Variants in F2RL1 observed in about 807,000 individuals in gnomAD.
F2RL1 encodes F2R like trypsin receptor 1, also known as proteinase-activated receptor 2.
In F2RL1, 16 loss-of-function variants were observed where a neutral mutation model predicts 21.7. That is an observed-to-expected ratio of 0.74 (90% CI 0.50 to 1.12). F2RL1 has a LOEUF of 1.12. Ranked by LOEUF, F2RL1 falls within the 50% of genes most tolerant of loss-of-function variation. The pLI is 0.00. For synonymous variants in F2RL1, 181 were observed against 186.7 expected (o/e 0.97, Z 0.25); for missense variants, 432 against 477.8 (o/e 0.90, Z 0.89).
At position 76,833,320 on chromosome 5, in the gene F2RL1, A is replaced by G. The variant is rs768449294; in HGVS notation, c.713A>G (p.Asp238Gly). ...DVLPEQLLVG[D>G]MFNYFLSLAI... ...TTGCCTGAGCAGCTCTTGGTGGGAGACATGTTCAATTACTTCCTCTCTCTG... is the reference window on the plus strand; with the variant it reads ...TTGCCTGAGCAGCTCTTGGTGGGAGGCATGTTCAATTACTTCCTCTCTCTG... The change falls in exon 2 of 2, where the codon GAC (aspartate) becomes GGC (glycine). Residue 238 changes from aspartate (D) to glycine (G), a missense_variant. Transcript: ENST00000296677. 6.2e-7 allele frequency: 1 copy of G among 1,612,626 alleles called. No individual in the cohort carries two copies. Among genetic ancestry groups the G allele is most frequent in the South Asian group, 1.1e-5 (1 of 90,930 alleles).
At chr5:76,824,283 G>T (rs1041937353) in intron 1 of F2RL1, among the ~76,000 whole-genome samples, 2 of 151,342 alleles carry the variant, frequency 1.3e-5, no homozygotes, top group African/African-American at 4.9e-5. Context: ...AAGTAGCTGG[G>T]GCTATGGCTA....
At chr5:76,827,385 G>C (rs942892633) in intron 1 of F2RL1, among the ~76,000 whole-genome samples, 92 of 149,080 alleles carry the variant, frequency 6.2e-4, no homozygotes, top group African/African-American at 2.2e-3. Context: ...TGTAGTCCCA[G>C]CTACTGGGGA....
At position 76,833,653 on chromosome 5, in the gene F2RL1, A is replaced by C. The variant is rs753801310; in HGVS notation, c.1046A>C (p.His349Pro). The C allele has an allele frequency of 1.2e-6, 2 of 1,613,986 alleles. No individual in the cohort carries two copies. Among genetic ancestry groups the C allele is most frequent in the East Asian group, 4.5e-5 (2 of 44,848 alleles). ...CCCTTTGTCTATTACTTTGTTTCAC[A>C]TGATTTCAGGGATCATGCAAAGAAC... ...IDPFVYYFVSHDFRDHAKNAL... is the reference protein window; with the variant it reads ...IDPFVYYFVSPDFRDHAKNAL... The change falls in exon 2 of 2, where the codon CAT (histidine) becomes CCT (proline). Residue 349 changes from histidine (H) to proline (P), a missense_variant. Physicochemically the swap from His to Pro is moderately conservative, Grantham distance 77. Transcript: ENST00000296677.
chr5:76,826,385 T>C (rs1479336360), intron 1 of F2RL1, among the ~76,000 whole-genome samples: 1 of 152,226 alleles, frequency 6.6e-6, no homozygotes, highest in Non-Finnish European at 1.5e-5. Flanking sequence ...CAAACACTAA[T>C]CTACTTTCTA....
intron 1 of F2RL1, among the ~76,000 whole-genome samples, chr5:76,822,089 AG>A (rs112713230): frequency 0.012 from 1,830 of 152,346 alleles, 49 homozygotes; most frequent in African/African-American, 0.042. Context: ...TGTTTGTGCA[AG>A]TATGGGATTA....
intron 1 of F2RL1, among the ~76,000 whole-genome samples, chr5:76,828,505 A>C (rs1323773122): frequency 7.6e-6 from 1 of 131,504 alleles, no homozygotes; most frequent in Non-Finnish European, 1.6e-5. Flanking sequence ...TTTTTTTAAT[A>C]TAGAGACAGG....
intron 1 of F2RL1, among the ~76,000 whole-genome samples, chr5:76,830,573 G>A (rs1750332416): frequency 6.6e-6 from 1 of 152,180 alleles, no homozygotes; most frequent in Admixed American, 6.5e-5. Flanking sequence ...ACCACGCCAG[G>A]CCTCTGCCTT....
At chr5:76,821,549 T>C (rs2243005) in intron 1 of F2RL1, among the ~76,000 whole-genome samples, 6,457 of 133,268 alleles carry the variant, frequency 0.048, 181 homozygotes, top group South Asian at 0.082. Context: ...TCTTTATAAT[T>C]GGTTTGGTGG....
intron 1 of F2RL1, among the ~76,000 whole-genome samples, chr5:76,825,367 T>C (rs1232766040): frequency 1.3e-5 from 2 of 152,178 alleles, no homozygotes; most frequent in Non-Finnish European, 1.5e-5. Flanking sequence ...TATTGGCTAC[T>C]ATATTGTCTA....
chr5:76,823,530 C>T (rs574673903), intron 1 of F2RL1, among the ~76,000 whole-genome samples: 26 of 151,934 alleles, frequency 1.7e-4, no homozygotes, highest in Non-Finnish European at 3.2e-4. Flanking sequence ...AGATGCGCGC[C>T]AACACCTCCA....
chr5:76,819,409 T>G (rs1335042526), intron 1 of F2RL1, 145 bp downstream of exon 1: 1 of 702,676 alleles, frequency 1.4e-6, no homozygotes, highest in Admixed American at 3.3e-5. Flanking sequence ...CTCCCCTTGG[T>G]GGCTTTGATG....
intron 1 of F2RL1, among the ~76,000 whole-genome samples, chr5:76,822,420 G>A (rs769722275): frequency 1.3e-5 from 2 of 152,008 alleles, no homozygotes; most frequent in East Asian, 1.9e-4. Context: ...GTTTCGCCAC[G>A]TTGGCCAGGC....
chr5:76,827,247 C>A lies in F2RL1; in HGVS notation c.83-5443C>A, dbSNP rs2243040. Among the ~76,000 whole-genome samples the A allele has an allele frequency of 2.7e-5, 4 of 148,106 alleles. No individual in the cohort carries two copies. In the Admixed American group the frequency reaches 2.7e-4, roughly 10 times the overall value. On this transcript the variant is annotated intron_variant, in intron 1 of 1. Coordinates refer to ENST00000296677, the MANE Select transcript of F2RL1 (RefSeq NM_005242.6). ...CTGTAATCCCAGCACTTTGGGAGGC[C>A]GAGGTGGGCGGATCACAAGGTCAGG...
chr5:76,826,837 A>G (rs926942030), intron 1 of F2RL1, among the ~76,000 whole-genome samples: 7 of 151,090 alleles, frequency 4.6e-5, no homozygotes, highest in African/African-American at 1.7e-4. Context: ...TTTCTTTTCA[A>G]TTGTTGATGG....
rs1360640710 is a variant in F2RL1 at position 76,833,559 on chromosome 5, G to A, written c.952G>A (p.Gly318Ser). ...GCATTATTTTCTGATTAAGAGCCAG[G>A]GCCAGAGCCATGTCTATGCCCTGTA... ...VVHYFLIKSQ[G>S]QSHVYALYIV... Residue 318 changes from glycine (G) to serine (S), a missense_variant, in exon 2 of 2, where the codon GGC becomes AGC. By Grantham distance (56) the Gly-to-Ser change is moderately conservative. Coordinates refer to ENST00000296677, the MANE Select transcript of F2RL1 (RefSeq NM_005242.6). 6.2e-7 allele frequency: 1 copy of A among 1,613,424 alleles called. No homozygotes were observed. The highest frequency in any genetic ancestry group is 1.1e-5 in the South Asian group (1 of 91,050).
chr5:76,823,548 T>G (rs1215214006), intron 1 of F2RL1, among the ~76,000 whole-genome samples: 1 of 151,876 alleles, frequency 6.6e-6, no homozygotes, highest in African/African-American at 2.4e-5. Flanking sequence ...CCAGCTAATT[T>G]TTGCATTTTT....
At chr5:76,825,753 C>T (rs1011738221) in intron 1 of F2RL1, among the ~76,000 whole-genome samples, 3 of 152,004 alleles carry the variant, frequency 2.0e-5, no homozygotes, top group African/African-American at 7.2e-5. Context: ...CAGGGACCTT[C>T]GAGTAGCATC....
At chr5:76,823,178 C>T (rs1451251420) in intron 1 of F2RL1, among the ~76,000 whole-genome samples, 3 of 149,928 alleles carry the variant, frequency 2.0e-5, no homozygotes, top group South Asian at 2.1e-4. Context: ...TGCAGTGAGC[C>T]GAGATCGTGC....
intron 1 of F2RL1, among the ~76,000 whole-genome samples, chr5:76,826,139 GT>G (rs892774855): frequency 6.7e-6 from 1 of 148,506 alleles, no homozygotes; most frequent in African/African-American, 2.5e-5. Context: ...TTTCTTTTCT[GT>G]TTTTTTCCCT....
Sources: allele counts gnomAD v4.1 joint callset (sites outside exome capture counted in the v4.1 genomes callset), GRCh38; gene constraint gnomAD v4.1.1; transcripts MANE v1.5; gene names NCBI Gene and HGNC (gene_info 2026-07-23, HGNC 2026-07-21).